The following ZEB2 variants were observed in gnomAD, a reference collection of about 807,000 sequenced individuals.
The protein encoded by ZEB2 is zinc finger E-box-binding homeobox 2.
A neutral mutation model predicts 99.9 loss-of-function variants in ZEB2; 6 were observed. That is an observed-to-expected ratio of 0.06 (90% CI 0.03 to 0.12). The LOEUF is 0.12. Among genes scored for constraint, ZEB2 ranks in the 10% least tolerant of loss-of-function variants. The pLI is 1.00. For missense variants in ZEB2, 969 were observed against 1,502.8 expected (o/e 0.64, Z 5.87); for synonymous variants, 517 against 542.5 (o/e 0.95, Z 0.65).
intron 3 of ZEB2, chr2:144,426,947 A>G (rs1489108181): frequency 6.6e-6 from 1 of 152,238 alleles, no homozygotes; most frequent in Non-Finnish European, 1.5e-5. Flanking sequence ...AATGATACAC[A>G]GTTTAGGAAT....
intron 2 of ZEB2, among the ~76,000 whole-genome samples, chr2:144,508,325 A>T (rs1704979641): frequency 6.6e-6 from 1 of 152,196 alleles, no homozygotes; most frequent in Non-Finnish European, 1.5e-5. Flanking sequence ...ACTCAAGTTT[A>T]AAAATGCTGT....
chr2:144,409,306 A>G (rs1703427478), intron 4 of ZEB2, among the ~76,000 whole-genome samples: 1 of 152,160 alleles, frequency 6.6e-6, no homozygotes, highest in African/African-American at 2.4e-5. Flanking sequence ...TGAAGTTTTG[A>G]TTGTATCTGA....
chr2:144,449,164 A>G (rs1448162249), intron 2 of ZEB2, among the ~76,000 whole-genome samples: 6 of 152,214 alleles, frequency 3.9e-5, no homozygotes, highest in African/African-American at 1.4e-4. Flanking sequence ...GGCCGGCAGC[A>G]TCTCGTCCTG....
intron 2 of ZEB2, among the ~76,000 whole-genome samples, chr2:144,431,722 T>C (rs1251395678): frequency 7.0e-6 from 1 of 143,080 alleles, no homozygotes; most frequent in Admixed American, 7.4e-5. Flanking sequence ...CAGATATACC[T>C]TAGTACAATC....
chr2:144,404,785 G>T, intron 5 of ZEB2, 51 bp downstream of exon 5: 2 of 1,590,550 alleles, frequency 1.3e-6, no homozygotes, highest in Non-Finnish European at 1.7e-6. Context: ...ATTTGTAATT[G>T]TAACAGCTGC....
At chr2:144,468,602 C>T (rs1439370313) in intron 2 of ZEB2, among the ~76,000 whole-genome samples, 5 of 151,942 alleles carry the variant, frequency 3.3e-5, no homozygotes, top group Admixed American at 6.6e-5. Context: ...CGAATTCCAA[C>T]GATGGAGTTA....
Position 144,429,965 on chromosome 2 carries a change from A to C in ZEB2, c.135T>G (p.His45Gln). 2 of 1,613,844 alleles carry C rather than the reference A, an allele frequency of 1.2e-6. No homozygotes were observed. Among genetic ancestry groups the C allele is most frequent in the Non-Finnish European group, 8.5e-7 (1 of 1,179,884 alleles). Residue 45 changes from histidine to glutamine, a missense_variant, in exon 3 of 10, where the codon CAT becomes CAG. Physicochemically the swap from His to Gln is conservative, Grantham distance 24 (BLOSUM62 0). Around this residue, in one of 8 missense-constraint regions of ZEB2, gnomAD observed 173 missense variants for 217.7 expected, o/e 0.79. Transcript: ENST00000627532. ...TGGCAATACCGTCATCCTCAGCAAT[A>C]TGAAGCTTGTCTTCCTCATCTGTTT... ...GSETDEEDKL[H>Q]IAEDDGIANP...
At chr2:144,509,937 A>G (rs887667951) in intron 2 of ZEB2, among the ~76,000 whole-genome samples, 59 of 152,182 alleles carry the variant, frequency 3.9e-4, no homozygotes, top group Non-Finnish European at 8.8e-5. Context: ...TTCTCTCACA[A>G]GAGAACGTGA....
At chr2:144,512,005 A>T (rs546111986) in intron 2 of ZEB2, 10 of 1,287,214 alleles carry the variant, frequency 7.8e-6, no homozygotes, top group Admixed American at 6.9e-5. Context: ...CTTTGCTCTG[A>T]AAAGACAACC....
rs1353938069 is a variant in ZEB2 at position 144,404,075 on chromosome 2, G to A, written c.648C>T (p.Cys216=). Reference sequence around the variant, plus strand: ...ATGTCAAGCGCTTGTAGCCCCGGTCGCAGTAGGGGCAGGTCAGCAGTTGGG... The same window carrying A: ...ATGTCAAGCGCTTGTAGCCCCGGTCACAGTAGGGGCAGGTCAGCAGTTGGG... ...AFAQLLTCPY[C]DRGYKRLTSL... is the part of the protein sequence containing the mutation. The change falls in exon 6 of 10, where the codon TGC becomes TGT. Residue 216 remains cysteine (C), a synonymous_variant. Coordinates refer to ENST00000627532, the MANE Select transcript of ZEB2 (RefSeq NM_014795.4). 1.9e-6 allele frequency: 3 copies of A among 1,614,006 alleles called. No individual in the cohort carries two copies. The highest frequency in any genetic ancestry group is 2.5e-6 in the Non-Finnish European group (3 of 1,180,032).
chr2:144,475,767 T>C (rs533688509), intron 2 of ZEB2, among the ~76,000 whole-genome samples: 2 of 152,336 alleles, frequency 1.3e-5, no homozygotes, highest in Admixed American at 1.3e-4. Flanking sequence ...CTCTTGGACT[T>C]ACCTATCTGT....
chr2:144,416,431 G>T (rs1439585814), intron 4 of ZEB2, among the ~76,000 whole-genome samples: 3 of 152,090 alleles, frequency 2.0e-5, no homozygotes, highest in Non-Finnish European at 2.9e-5. Flanking sequence ...GAATCTCCAC[G>T]CATTGTCCAC....
chr2:144,461,848 T>A (rs982183094), intron 2 of ZEB2: 1 of 152,188 alleles, frequency 6.6e-6, no homozygotes, highest in Non-Finnish European at 1.5e-5. Flanking sequence ...AGAGCGCAGA[T>A]CACCGTTTTA....
At chr2:144,413,007 G>A (rs1703486404) in intron 4 of ZEB2, among the ~76,000 whole-genome samples, 1 of 152,186 alleles carries the variant, frequency 6.6e-6, no homozygotes, top group Admixed American at 6.5e-5. Flanking sequence ...GTTATTTCAT[G>A]TTTTTGAATT....
At chr2:144,419,603 T>C (rs1703592598) in intron 4 of ZEB2, among the ~76,000 whole-genome samples, 1 of 152,232 alleles carries the variant, frequency 6.6e-6, no homozygotes, top group Non-Finnish European at 1.5e-5. Context: ...CTCATGTGTA[T>C]AATGCTTCCA....
intron 2 of ZEB2, among the ~76,000 whole-genome samples, chr2:144,509,741 G>C (rs1157596835): frequency 6.6e-6 from 1 of 152,170 alleles, no homozygotes; most frequent in Non-Finnish European, 1.5e-5. Flanking sequence ...CAGTCTAGGA[G>C]CAAGATAATG....
chr2:144,388,242 G>C lies in ZEB2; in HGVS notation c.*1209C>G, dbSNP rs1042775988. 1 of 152,082 alleles carries C rather than the reference G, an allele frequency of 6.6e-6. No individual in the cohort carries two copies. The highest frequency in any genetic ancestry group is 1.5e-5 in the Non-Finnish European group (1 of 67,896). 9.4% of individuals were successfully genotyped at this position (152,082 alleles called of 1,614,324 possible). On this transcript the variant is annotated 3_prime_UTR_variant, in exon 10 of 10. Coordinates refer to ENST00000627532, the MANE Select transcript of ZEB2 (RefSeq NM_014795.4). This position sits in a 1 kb window ranked among gnomAD's most constrained non-coding sequence, Gnocchi z 5.4. ...GATCGTATCAAAAGTTCCCAAATTT[G>C]GAATTTCCAGTAATTGGAAAAAAAC...
chr2:144,479,983 T>C (rs1486406523), intron 2 of ZEB2, among the ~76,000 whole-genome samples: 1 of 152,080 alleles, frequency 6.6e-6, no homozygotes, highest in Non-Finnish European at 1.5e-5. Flanking sequence ...ATTCAGCAAA[T>C]TGTCCTGCTA....
intron 4 of ZEB2, among the ~76,000 whole-genome samples, chr2:144,408,536 T>C (rs1703416480): frequency 6.6e-6 from 1 of 152,210 alleles, no homozygotes; most frequent in Admixed American, 6.5e-5. Context: ...TATTCTGTTG[T>C]TTATATATCT....
Sources: gnomAD v4.1 joint callset for allele counts (sites outside exome capture counted in the v4.1 genomes callset) on GRCh38, gnomAD v4.1.1 for gene constraint, gnomAD v4.1.1 regional missense constraint, Gnocchi (gnomAD v3.1) non-coding constraint, MANE v1.5 for transcripts, NCBI Gene and HGNC (gene_info 2026-07-23, HGNC 2026-07-21) for gene names.